Variants in NEK8 observed in about 807,000 individuals in gnomAD.
The protein encoded by NEK8 is serine/threonine-protein kinase Nek8.
In NEK8, 51 loss-of-function variants were observed where a neutral mutation model predicts 77.2. The observed-to-expected ratio is 0.66, with a 90% CI of 0.53 to 0.83. NEK8 has a LOEUF of 0.83. Ranked by LOEUF, NEK8 falls within the 40% of genes least tolerant of loss-of-function variation. The pLI, the probability that NEK8 is intolerant of heterozygous loss-of-function variation, is 0.00. For missense variants in NEK8, 787 were observed against 909.2 expected, an observed-to-expected ratio of 0.87 and a Z score of 1.73; for synonymous variants, 365 against 363.2, an observed-to-expected ratio of 1.00 and a Z score of -0.06.
At chr17:28,729,532 A>ATTTTTTTTTTTTTTTTTTTTTTTTTTT (rs10523946) in intron 1 of NEK8, among the ~76,000 whole-genome samples, 1 of 98,350 alleles carries the variant, frequency 1.0e-5, no homozygotes, top group Non-Finnish European at 1.9e-5. Context: ...AATTTTTTGG[A>ATTTTTTTTTTTTTTTTTTTTTTTTTTT]TTTTTTTTTT....
rs1465136030 is a variant in NEK8 at position 28,740,872 on chromosome 17, C to T, written c.1619C>T (p.Pro540Leu). ...DHLSLGEEPV[P>L]HQQVEEALSF... ...CTCTCCCTGGGGGAGGAGCCTGTCCCCCACCAGCAAGTGGAGGAGGCCCTG... is the reference window on the plus strand; with the variant it reads ...CTCTCCCTGGGGGAGGAGCCTGTCCTCCACCAGCAAGTGGAGGAGGCCCTG... Residue 540 changes from proline to leucine, a missense_variant, in exon 12 of 15, where the codon CCC (proline) becomes CTC (leucine). This residue lies in a region of NEK8 where 516 missense variants were observed against 544.0 expected (regional missense o/e 0.95). Transcript: ENST00000268766. This position sits in a 1 kb window ranked among gnomAD's most constrained non-coding sequence, Gnocchi z 4.7. The T allele has an allele frequency of 6.2e-7, 1 of 1,614,080 alleles. No homozygotes were observed. The highest frequency in any genetic ancestry group is 8.5e-7 in the Non-Finnish European group (1 of 1,179,990).
Position 28,742,288 on chromosome 17 carries a change from C to T in NEK8, c.*301C>T, listed in dbSNP as rs2034431467. 1.9e-6 allele frequency: 1 copy of T among 526,126 alleles called. No homozygotes were observed. The highest frequency in any genetic ancestry group is 1.9e-5 in the African/African-American group (1 of 52,050). 32.6% of individuals were successfully genotyped at this position (526,126 alleles called of 1,614,324 possible). A position where few individuals can be genotyped will look rare whatever the true frequency, so the allele number is the denominator to read the frequency against. On this transcript the variant is annotated 3_prime_UTR_variant, in exon 15 of 15. Coordinates refer to ENST00000268766, the MANE Select transcript of NEK8 (RefSeq NM_178170.3). ...TTTGGAAGCAGGGTGGCCTCCAGAG[C>T]CTTGCCATAAAAAGGCTGAAGGCAG...
rs1266469762 is a variant in NEK8 at position 28,741,413 on chromosome 17, A to G, written c.1892A>G (p.Glu631Gly). Reference protein sequence around the residue: ...GDAFTVAIGAESEVYSWGKGA... With the variant: ...GDAFTVAIGAGSEVYSWGKGA... ...CCCTCCTGGGGATTCTTCCTGGCAG[A>G]GAGCGAAGTGTACTCTTGGGGCAAA... The change falls in exon 14 of 15, where the codon GAG (glutamate) becomes GGG (glycine). Residue 631 changes from glutamate to glycine, a missense_variant and splice_region_variant. Glu to Gly is a moderately conservative substitution (Grantham distance 98). Coordinates refer to ENST00000268766, the MANE Select transcript of NEK8 (RefSeq NM_178170.3). This position sits in a 1 kb window ranked among gnomAD's most constrained non-coding sequence, Gnocchi z 4.5. The G allele has an allele frequency of 3.1e-6, 5 of 1,613,816 alleles. No homozygotes were observed. The Admixed American group carries it at 8.3e-5, about 27-fold the overall frequency.
intron 3 of NEK8, 68 bp downstream of exon 3, chr17:28,735,072 C>A: frequency 6.7e-7 from 1 of 1,502,132 alleles, no homozygotes; most frequent in East Asian, 2.3e-5. Context: ...ACCCTGCCTC[C>A]TCCCCTCCCC....
chr17:28,741,612 G>A lies in NEK8; in HGVS notation c.2050+41G>A. ...TCCCACTTCACCACACAGCCCAGCT[G>A]GCCCCTGTCCACACTCCCATCCCCA... On this transcript the variant is annotated intron_variant, in intron 14 of 14. Coordinates refer to ENST00000268766, the MANE Select transcript of NEK8 (RefSeq NM_178170.3). This position sits in a 1 kb window ranked among gnomAD's most constrained non-coding sequence, Gnocchi z 4.5. 1 of 1,608,010 alleles carries A rather than the reference G, an allele frequency of 6.2e-7. No homozygotes were observed. Among genetic ancestry groups the A allele is most frequent in the South Asian group, 1.1e-5 (1 of 90,978 alleles).
Position 28,735,231 on chromosome 17 carries a change from A to T in NEK8, c.487-9A>T. 2 of 1,613,972 alleles carry T rather than the reference A, an allele frequency of 1.2e-6. No homozygotes were observed. The highest frequency in any genetic ancestry group is 1.7e-6 in the Non-Finnish European group (2 of 1,179,970). On this transcript the variant is annotated splice_polypyrimidine_tract_variant and intron_variant, in intron 3 of 14. Coordinates refer to ENST00000268766, the MANE Select transcript of NEK8 (RefSeq NM_178170.3). ...CTGCAGGGCTGTGATCCCAGCTTCTATCCTGCAGGTGGTGGGTACCCCATG... is the reference window on the plus strand; with the variant it reads ...CTGCAGGGCTGTGATCCCAGCTTCTTTCCTGCAGGTGGTGGGTACCCCATG...
chr17:28,741,697 A>C lies in NEK8; in HGVS notation c.2050+126A>C, dbSNP rs1597808552. On this transcript the variant is annotated intron_variant, in intron 14 of 14. Coordinates refer to ENST00000268766, the MANE Select transcript of NEK8 (RefSeq NM_178170.3). The surrounding 1 kb of genome is among the most constrained non-coding windows in gnomAD (Gnocchi z 4.5). ...TTAGCCCCCAGATAAAAAAAGCAGA[A>C]GCTGCGGTTGAAAAGCTTCAAGCTT... 1 of 1,272,382 alleles carries C rather than the reference A, an allele frequency of 7.9e-7. No homozygotes were observed. Among genetic ancestry groups the C allele is most frequent in the East Asian group, 2.3e-5 (1 of 43,246 alleles). 78.8% of individuals were successfully genotyped at this position (1,272,382 alleles called of 1,614,324 possible).
At chr17:28,733,486 T>G (rs1351576060) in intron 1 of NEK8, among the ~76,000 whole-genome samples, 1 of 152,184 alleles carries the variant, frequency 6.6e-6, no homozygotes, top group Non-Finnish European at 1.5e-5. Context: ...GGGGTTATTG[T>G]GGTGAACAAG....
intron 1 of NEK8, 91 bp downstream of exon 1, chr17:28,728,951 C>A: frequency 8.2e-7 from 1 of 1,214,824 alleles, no homozygotes; most frequent in Non-Finnish European, 1.2e-6. Flanking sequence ...CCTAATCCCG[C>A]CCCAAGGCGT....
At position 28,737,266 on chromosome 17, in the gene NEK8, G is replaced by T; in HGVS notation, c.619-40G>T. The T allele has an allele frequency of 1.3e-6, 2 of 1,571,614 alleles. No individual in the cohort carries two copies. The highest frequency in any genetic ancestry group is 1.7e-6 in the Non-Finnish European group (2 of 1,158,558). On this transcript the variant is annotated intron_variant, in intron 4 of 14. Coordinates refer to ENST00000268766, the MANE Select transcript of NEK8 (RefSeq NM_178170.3). This position sits in a 1 kb window ranked among gnomAD's most constrained non-coding sequence, Gnocchi z 4.8. The stretch of plus-strand genomic sequence containing the variant: ...CCAGGGGCTGGAGCTGGGGGGTGCT[G>T]CCCTCACTTCCCCAAATTCTCAACC...
At position 28,740,908 on chromosome 17, in the gene NEK8, T is replaced by C; in HGVS notation, c.1655T>C (p.Leu552Pro). ...QQVEEALSFTLLGSAPLDQEP... is the reference protein window; with the variant it reads ...QQVEEALSFTPLGSAPLDQEP... Reference sequence around the variant, plus strand: ...GTGGAGGAGGCCCTGAGCTTCACACTACTAGGCTCTGCACCCCTGGACCAG... The same window carrying C: ...GTGGAGGAGGCCCTGAGCTTCACACCACTAGGCTCTGCACCCCTGGACCAG... Residue 552 changes from leucine to proline, a missense_variant, in exon 12 of 15, where the codon CTA (leucine) becomes CCA (proline). Around this residue, in one of 2 missense-constraint regions of NEK8, gnomAD observed 516 missense variants for 544.0 expected, o/e 0.95. Transcript: ENST00000268766. This position sits in a 1 kb window ranked among gnomAD's most constrained non-coding sequence, Gnocchi z 4.7. 6.2e-7 allele frequency: 1 copy of C among 1,614,072 alleles called. No homozygotes were observed. Among genetic ancestry groups the C allele is most frequent in the Non-Finnish European group, 8.5e-7 (1 of 1,179,988 alleles).
Position 28,740,349 on chromosome 17 carries a change from TG to T in NEK8, c.1418-111del, listed in dbSNP as rs2034408359. On this transcript the variant is annotated intron_variant, in intron 10 of 14. Coordinates refer to ENST00000268766, the MANE Select transcript of NEK8 (RefSeq NM_178170.3). This position sits in a 1 kb window ranked among gnomAD's most constrained non-coding sequence, Gnocchi z 4.7. ...AGCAGAGGGGCCTAGGAAAGGCATT[TG>T]GGACTGAGAGAACAGAGAACTCATG... 2 of 879,270 alleles carry T rather than the reference TG, an allele frequency of 2.3e-6. No individual in the cohort carries two copies. The highest frequency in any genetic ancestry group is 3.3e-5 in the African/African-American group (2 of 60,746). 54.5% of individuals were successfully genotyped at this position (879,270 alleles called of 1,614,324 possible).
At position 28,734,947 on chromosome 17, in the gene NEK8, C is replaced by T; in HGVS notation, c.429C>T (p.Val143=). 3 of 1,613,646 alleles carry T rather than the reference C, an allele frequency of 1.9e-6. No individual in the cohort carries two copies. The highest frequency in any genetic ancestry group is 2.5e-6 in the Non-Finnish European group (3 of 1,180,004). Residue 143 remains valine (V), a synonymous_variant, in exon 3 of 15, where the codon GTC becomes GTT. Transcript: ENST00000268766. ...NILLDKHRMV[V]KIGDFGISKI... is the part of the protein sequence containing the mutation. Reference sequence around the variant, plus strand: ...TGCTTGACAAACACCGCATGGTCGTCAAGATCGGTGATTTCGGCATCTCCA... The same window carrying T: ...TGCTTGACAAACACCGCATGGTCGTTAAGATCGGTGATTTCGGCATCTCCA...
At position 28,741,685 on chromosome 17, in the gene NEK8, A is replaced by T; in HGVS notation, c.2050+114A>T. 7.6e-7 allele frequency: 1 copy of T among 1,323,044 alleles called. No homozygotes were observed. The highest frequency in any genetic ancestry group is 1.1e-6 in the Non-Finnish European group (1 of 922,630). 82.0% of individuals were successfully genotyped at this position (1,323,044 alleles called of 1,614,324 possible). A position where few individuals can be genotyped will look rare whatever the true frequency, so the allele number is the denominator to read the frequency against. ...CCAAAAGCATCTTTAGCCCCCAGAT[A>T]AAAAAAGCAGAAGCTGCGGTTGAAA... On this transcript the variant is annotated intron_variant, in intron 14 of 14. Coordinates refer to ENST00000268766, the MANE Select transcript of NEK8 (RefSeq NM_178170.3). This position sits in a 1 kb window ranked among gnomAD's most constrained non-coding sequence, Gnocchi z 4.5.
intron 1 of NEK8, among the ~76,000 whole-genome samples, chr17:28,729,592 G>A (rs921648005): frequency 1.5e-5 from 2 of 136,286 alleles, no homozygotes; most frequent in East Asian, 4.3e-4. Context: ...GCGCGATCTC[G>A]AGTGCAGTGG....
At chr17:28,735,170 A>G (rs1356603220) in intron 3 of NEK8, 70 bp from the exon 4 acceptor site, 1 of 1,602,446 alleles carries the variant, frequency 6.2e-7, no homozygotes, top group East Asian at 2.2e-5. Context: ...GCTGTCCCCA[A>G]ATGGGCTTAT....
Position 28,739,072 on chromosome 17 carries a change from T to C in NEK8, c.1300-12T>C. On this transcript the variant is annotated splice_polypyrimidine_tract_variant and intron_variant, in intron 9 of 14. Transcript: ENST00000268766. Reference sequence around the variant, plus strand: ...CTTTGCCCAGTTTCTCCTTGCTTCCTCTCCTCTCTAGCCCACCATTGTGGA... The same window carrying C: ...CTTTGCCCAGTTTCTCCTTGCTTCCCCTCCTCTCTAGCCCACCATTGTGGA... The C allele has an allele frequency of 6.2e-7, 1 of 1,606,290 alleles. No individual in the cohort carries two copies. Among genetic ancestry groups the C allele is most frequent in the South Asian group, 1.1e-5 (1 of 90,910 alleles).
Position 28,740,339 on chromosome 17 carries a change from GA to G in NEK8, c.1418-121del, listed in dbSNP as rs2034408284. The G allele has an allele frequency of 1.2e-6, 1 of 811,764 alleles. No homozygotes were observed. Among genetic ancestry groups the G allele is most frequent in the Non-Finnish European group, 2.2e-6 (1 of 463,214 alleles). The allele number at this position is 811,764 out of a possible 1,614,324, so 50.3% of individuals were successfully genotyped here. ...GATTTTAACCAGCAGAGGGGCCTAG[GA>G]AAGGCATTTGGGACTGAGAGAACAG... On this transcript the variant is annotated intron_variant, in intron 10 of 14. Coordinates refer to ENST00000268766, the MANE Select transcript of NEK8 (RefSeq NM_178170.3). The surrounding 1 kb of genome is among the most constrained non-coding windows in gnomAD (Gnocchi z 4.7).
At chr17:28,739,053 C>G (rs373552575) in intron 9 of NEK8, 31 bp from the exon 10 acceptor site, 1 of 1,539,448 alleles carries the variant, frequency 6.5e-7, no homozygotes, top group East Asian at 2.2e-5. Flanking sequence ...GACCCTTTGC[C>G]CAGTTTCTCC....
Sources: gnomAD v4.1 joint callset for allele counts (sites outside exome capture counted in the v4.1 genomes callset) on GRCh38, gnomAD v4.1.1 for gene constraint, gnomAD v4.1.1 regional missense constraint, Gnocchi (gnomAD v3.1) non-coding constraint, MANE v1.5 for transcripts, NCBI Gene and HGNC (gene_info 2026-07-23, HGNC 2026-07-21) for gene names.